WWTR1: variants seen among roughly 807,000 people sequenced by gnomAD.
WWTR1 encodes WW domain containing transcription regulator 1, also known as WW domain-containing transcription regulator protein 1.
WWTR1 carries 13 observed loss-of-function variants against 40.1 expected under a neutral mutation model. The observed-to-expected ratio is 0.32, with a 90% CI of 0.21 to 0.52. WWTR1 has a LOEUF of 0.52. WWTR1 is among the 20% of genes least tolerant of loss of function. The pLI is 0.97. For synonymous variants in WWTR1, 230 were observed against 210.1 expected (o/e 1.09, Z -0.82); for missense variants, 436 against 523.1 (o/e 0.83, Z 1.63).
At chr3:149,589,309 C>T (rs1424217461) in intron 2 of WWTR1, among the ~76,000 whole-genome samples, 1 of 152,216 alleles carries the variant, frequency 6.6e-6, no homozygotes, top group East Asian at 1.9e-4. Context: ...GAATGCATGC[C>T]TCACGTAACT....
chr3:149,641,420 G>C (rs938852372), intron 2 of WWTR1, among the ~76,000 whole-genome samples: 1 of 152,180 alleles, frequency 6.6e-6, no homozygotes, highest in Non-Finnish European at 1.5e-5. Context: ...ACTTTAATTA[G>C]CCACACCACT....
chr3:149,581,471 G>C (rs1458458163), intron 2 of WWTR1, among the ~76,000 whole-genome samples: 5 of 152,172 alleles, frequency 3.3e-5, no homozygotes, highest in Non-Finnish European at 7.4e-5. Context: ...TTTCCGGTCA[G>C]ATTTTCACTT....
intron 2 of WWTR1, among the ~76,000 whole-genome samples, chr3:149,589,905 T>G (rs1195170038): frequency 6.6e-6 from 1 of 152,202 alleles, no homozygotes; most frequent in Non-Finnish European, 1.5e-5. Context: ...ATATATGTTT[T>G]TATCTGTAAG....
At chr3:149,659,943 G>A (rs1713498691), upstream of WWTR1, 1 of 136,888 alleles carries the variant, frequency 7.3e-6, no homozygotes, top group Non-Finnish European at 1.6e-5. Flanking sequence ...TTTTGAGATG[G>A]AGTCTCACTC....
At chr3:149,629,973 G>A (rs1033056797) in intron 2 of WWTR1, among the ~76,000 whole-genome samples, 7 of 152,010 alleles carry the variant, frequency 4.6e-5, no homozygotes, top group South Asian at 2.1e-4. Flanking sequence ...CAGCCTCCCC[G>A]GTAGCTGGGA....
intron 2 of WWTR1, among the ~76,000 whole-genome samples, chr3:149,646,478 T>C (rs780303092): frequency 6.6e-6 from 1 of 152,250 alleles, no homozygotes; most frequent in Non-Finnish European, 1.5e-5. Flanking sequence ...CTTCTCTATC[T>C]AGCTCTTCAT....
chr3:149,707,632 T>A (rs78872354), upstream of WWTR1, among the ~76,000 whole-genome samples: 2,943 of 152,200 alleles, frequency 0.019, 98 homozygotes, highest in African/African-American at 0.067. Flanking sequence ...GATATATTCA[T>A]GTGCACTGTG....
intron 6 of WWTR1, among the ~76,000 whole-genome samples, chr3:149,522,619 C>T (rs1216114018): frequency 1.3e-5 from 2 of 152,148 alleles, no homozygotes; most frequent in Non-Finnish European, 2.9e-5. Context: ...ACAATCTGAT[C>T]TAATGTGCTG....
intron 4 of WWTR1, among the ~76,000 whole-genome samples, chr3:149,721,467 G>A (rs59566244): frequency 0.044 from 6,699 of 152,150 alleles, 272 homozygotes; most frequent in African/African-American, 0.11. Flanking sequence ...TAGCCATAGC[G>A]TATAATCTTT....
intron 3 of WWTR1, among the ~76,000 whole-genome samples, chr3:149,551,428 GA>G (rs1185953729): frequency 6.9e-6 from 1 of 145,914 alleles, no homozygotes; most frequent in Non-Finnish European, 1.5e-5. Flanking sequence ...TGGCATCTGG[GA>G]AACTTCCTCC....
At chr3:149,711,574 T>C (rs4541351) in intron 5 of WWTR1, among the ~76,000 whole-genome samples, 130,030 of 152,132 alleles carry the variant, frequency 0.85, 55,971 homozygotes, top group African/African-American at 0.94. Flanking sequence ...AGAATTCTTC[T>C]CTTAGCCTCA....
At chr3:149,566,548 T>C (rs1737337110) in intron 3 of WWTR1, among the ~76,000 whole-genome samples, 1 of 151,854 alleles carries the variant, frequency 6.6e-6, no homozygotes, top group Non-Finnish European at 1.5e-5. Context: ...GAACTCACCA[T>C]GTAAATTTGA....
intron 2 of WWTR1, among the ~76,000 whole-genome samples, chr3:149,585,121 CGTGTGTGTGT>C (rs61655468): frequency 2.1e-5 from 3 of 144,414 alleles, no homozygotes; most frequent in South Asian, 2.4e-4. Context: ...TGATTTCTTT[CGTGTGTGTGT>C]GTGTGTGTGT....
At chr3:149,677,058 A>G (rs1238404609) in intron 1 of WWTR1, among the ~76,000 whole-genome samples, 1 of 151,944 alleles carries the variant, frequency 6.6e-6, no homozygotes, top group Non-Finnish European at 1.5e-5. Context: ...CTGGCATTAC[A>G]GGCATGCGCC....
At position 149,519,118 on chromosome 3, in the gene WWTR1, A is replaced by C. The variant is rs1397839470; in HGVS notation, c.*1687T>G. The C allele has an allele frequency of 1.3e-5, 2 of 152,200 alleles. No individual in the cohort carries two copies. The highest frequency in any genetic ancestry group is 2.9e-5 in the Non-Finnish European group (2 of 68,034). 9.4% of individuals were successfully genotyped at this position (152,200 alleles called of 1,614,324 possible). A position where few individuals can be genotyped will look rare whatever the true frequency, so the allele number is the denominator to read the frequency against. ...TCAAAAAAGATTAAATTCATAGATT[A>C]TAAATAATATTAGTTCAAAATATTA... is the stretch of plus-strand genomic sequence containing the variant. On this transcript the variant is annotated 3_prime_UTR_variant, in exon 7 of 7. Coordinates refer to ENST00000360632, the MANE Select transcript of WWTR1 (RefSeq NM_015472.6).
rs62271161 is a variant in WWTR1 at position 149,656,793 on chromosome 3, A to T, written c.431+83T>A. 25,302 of 663,246 alleles carry T rather than the reference A, an allele frequency of 0.038. 162 individuals carry two copies. The highest frequency in any genetic ancestry group is 0.041 in the Non-Finnish European group (19,056 of 459,468). The allele number at this position is 663,246 out of a possible 1,614,324, so 41.1% of individuals were successfully genotyped here. A position where few individuals can be genotyped will look rare whatever the true frequency, so the allele number is the denominator to read the frequency against. ...CTCTCTCTCTCTCTCTCTCTCTCTC[A>T]CACACACACACACACACACACGAAC... On this transcript the variant is annotated intron_variant, in intron 2 of 6. Transcript: ENST00000360632.
intron 1 of WWTR1, among the ~76,000 whole-genome samples, chr3:149,675,513 C>T (rs1260786011): frequency 1.3e-5 from 2 of 152,072 alleles, no homozygotes; most frequent in African/African-American, 4.8e-5. Context: ...CACCCAGCCT[C>T]CTGATTTTTG....
chr3:149,552,795 CCTT>C (rs928419838), intron 3 of WWTR1, among the ~76,000 whole-genome samples: 3 of 152,178 alleles, frequency 2.0e-5, no homozygotes, highest in African/African-American at 7.2e-5. Flanking sequence ...GTAGTAGAAT[CCTT>C]CTCCAGAGCC....
intron 3 of WWTR1, among the ~76,000 whole-genome samples, chr3:149,554,388 ACAGGAAACCCTGAATTTTTAGCAC>A (rs1736733372): frequency 6.6e-6 from 1 of 152,064 alleles, no homozygotes; most frequent in South Asian, 2.1e-4. Flanking sequence ...CGTTTACTTC[ACAGGAAACCCTGAATTTTTAGCAC>A]CAGGAAATGA....
Sources: gnomAD v4.1 joint callset for allele counts (sites outside exome capture counted in the v4.1 genomes callset) on GRCh38, gnomAD v4.1.1 for gene constraint, MANE v1.5 for transcripts, NCBI Gene and HGNC (gene_info 2026-07-23, HGNC 2026-07-21) for gene names.